Variants in CFAP92 observed in about 807,000 individuals in gnomAD.
CFAP92 encodes cilia and flagella associated protein 92 (putative), also known as uncharacterized protein CFAP92.
Under a neutral mutation model 106.3 loss-of-function variants are expected in CFAP92, and 86 were observed. That is an observed-to-expected ratio of 0.81 (90% confidence interval 0.68 to 0.97). CFAP92 has a LOEUF of 0.97. Ranked by LOEUF, CFAP92 falls within the 50% of genes least tolerant of loss-of-function variation. CFAP92 has a pLI of 0.00. For synonymous variants in CFAP92, 477 were observed against 506.4 expected (o/e 0.94, Z 0.78); for missense variants, 1,204 against 1,283.8 (o/e 0.94, Z 0.95).
rs1943135179 is a variant in CFAP92 at position 128,976,030 on chromosome 3, C to T, written c.897-127G>A. 12 of 840,200 alleles carry T rather than the reference C, an allele frequency of 1.4e-5. No individual in the cohort carries two copies. The South Asian group carries it at 1.9e-4, about 14-fold the overall frequency. 52.0% of individuals were successfully genotyped at this position (840,200 alleles called of 1,614,324 possible). On this transcript the variant is annotated intron_variant, in intron 6 of 15. Coordinates refer to ENST00000645291, the MANE Select transcript of CFAP92 (RefSeq NM_001394090.1). ...AAAACCTCATAGTGCATTCCTCTAA[C>T]CCAGTGCTTCTCAGTTTTCAATGTG...
intron 1 of CFAP92, 91 bp downstream of exon 1, chr3:128,993,889 A>G: frequency 1.1e-6 from 1 of 906,956 alleles, no homozygotes; most frequent in Non-Finnish European, 1.3e-6. Context: ...CGAAGAGGGA[A>G]CACGCATCGA....
chr3:128,996,604 G>T (rs1944488345), upstream of CFAP92, among the ~76,000 whole-genome samples: 1 of 152,182 alleles, frequency 6.6e-6, no homozygotes, highest in Non-Finnish European at 1.5e-5. Context: ...AGGAAGGGGG[G>T]CTTCTGTTTC....
At chr3:128,963,110 C>T (rs1369727130) in intron 9 of CFAP92, among the ~76,000 whole-genome samples, 1 of 152,182 alleles carries the variant, frequency 6.6e-6, no homozygotes, top group East Asian at 1.9e-4. Flanking sequence ...GCCCAAATTT[C>T]GTCCTCATCT....
intron 9 of CFAP92, among the ~76,000 whole-genome samples, chr3:128,963,031 T>C (rs546831645): frequency 5.3e-5 from 8 of 152,220 alleles, no homozygotes; most frequent in South Asian, 2.1e-4. Context: ...TGACACCCAT[T>C]AGGCTCAGCA....
intron 9 of CFAP92, among the ~76,000 whole-genome samples, chr3:128,957,084 GAAC>G (rs1941498958): frequency 4.0e-5 from 6 of 150,648 alleles, no homozygotes; most frequent in Admixed American, 4.0e-4. Context: ...CTGAGACAAA[GAAC>G]AACTAAAAGA....
At chr3:128,924,630 A>T (rs2107691241) in intron 12 of CFAP92, among the ~76,000 whole-genome samples, 1 of 149,862 alleles carries the variant, frequency 6.7e-6, no homozygotes, top group Non-Finnish European at 1.5e-5. Context: ...TTTTTTTAGC[A>T]CAGATGGGGT....
intron 12 of CFAP92, among the ~76,000 whole-genome samples, chr3:128,930,132 TATATTATAAAATTCTCC>T (rs1470089018): frequency 1.3e-5 from 2 of 152,146 alleles, no homozygotes; most frequent in African/African-American, 4.8e-5. Flanking sequence ...TGTATACTAC[TATATTATAAAATTCTCC>T]ATATTATTGC....
At chr3:129,001,139 C>A (rs1355806584) in intron 1 of CFAP92, among the ~76,000 whole-genome samples, 2 of 152,240 alleles carry the variant, frequency 1.3e-5, no homozygotes, top group Admixed American at 1.3e-4. Flanking sequence ...TGTGGGGGCA[C>A]ATCCCCAGCA....
At chr3:128,918,940 ATTTTTT>A (rs10573280) in intron 12 of CFAP92, among the ~76,000 whole-genome samples, 204 of 105,860 alleles carry the variant, frequency 1.9e-3, no homozygotes, top group South Asian at 2.5e-3. Flanking sequence ...CTCAGATTGG[ATTTTTT>A]TTTTTTTTTT....
intron 4 of CFAP92, among the ~76,000 whole-genome samples, chr3:128,979,273 G>A (rs1016477351): frequency 3.9e-4 from 59 of 152,244 alleles, no homozygotes; most frequent in African/African-American, 1.3e-3. Context: ...TTAGAATGGC[G>A]ATCATTAAAA....
intron 9 of CFAP92, among the ~76,000 whole-genome samples, chr3:128,963,488 A>G (rs533084629): frequency 1.6e-3 from 236 of 152,080 alleles, no homozygotes; most frequent in Non-Finnish European, 2.9e-3. Flanking sequence ...CTTCAGCTGT[A>G]CTCACTCTTT....
chr3:128,942,387 CCA>C (rs1241631472), intron 10 of CFAP92, among the ~76,000 whole-genome samples: 2 of 152,214 alleles, frequency 1.3e-5, no homozygotes, highest in Non-Finnish European at 2.9e-5. Context: ...GCCCTGGCGG[CCA>C]CAGTTTCCAG....
chr3:128,926,466 G>C (rs1937656762), intron 12 of CFAP92, among the ~76,000 whole-genome samples: 1 of 152,194 alleles, frequency 6.6e-6, no homozygotes, highest in Non-Finnish European at 1.5e-5. Context: ...AGTGAGCTGA[G>C]ATCACACCAC....
chr3:128,974,396 G>A (rs1943010510), intron 7 of CFAP92, among the ~76,000 whole-genome samples: 1 of 152,226 alleles, frequency 6.6e-6, no homozygotes, highest in Admixed American at 6.5e-5. Flanking sequence ...GGGGATCTAA[G>A]CTGAGAATGA....
chr3:128,943,566 G>C (rs1359671337), intron 10 of CFAP92, among the ~76,000 whole-genome samples: 1 of 150,426 alleles, frequency 6.6e-6, no homozygotes, highest in East Asian at 2.0e-4. Flanking sequence ...ACGGAGTTTC[G>C]CTCTTGTTTC....
the CFAP92 span, among the ~76,000 whole-genome samples, chr3:129,020,795 C>A: frequency 6.6e-6 from 1 of 152,120 alleles, no homozygotes; most frequent in Non-Finnish European, 1.5e-5. Context: ...GGGGAGGGAG[C>A]CAGGAAGGTT....
intron 1 of CFAP92, among the ~76,000 whole-genome samples, chr3:129,001,260 G>A (rs1944724625): frequency 6.6e-6 from 1 of 152,126 alleles, no homozygotes; most frequent in South Asian, 2.1e-4. Flanking sequence ...GGCGGAGGGA[G>A]GAGGGAGTTG....
chr3:128,957,875 C>G (rs1174847960), intron 9 of CFAP92, among the ~76,000 whole-genome samples: 1 of 152,106 alleles, frequency 6.6e-6, no homozygotes, highest in African/African-American at 2.4e-5. Flanking sequence ...TCTCCCTGTT[C>G]TGAGGCTAGA....
upstream of CFAP92, among the ~76,000 whole-genome samples, chr3:129,007,446 T>C (rs1945122873): frequency 6.6e-6 from 1 of 152,208 alleles, no homozygotes. Flanking sequence ...GATGTGTCTT[T>C]GGGGAGAAAA....
Sources: gnomAD v4.1 joint callset for allele counts (sites outside exome capture counted in the v4.1 genomes callset) on GRCh38, gnomAD v4.1.1 for gene constraint, MANE v1.5 for transcripts, NCBI Gene and HGNC (gene_info 2026-07-23, HGNC 2026-07-21) for gene names.